ZHX1: variants seen among roughly 807,000 people sequenced by gnomAD.
The protein encoded by ZHX1 is zinc fingers and homeoboxes protein 1.
In ZHX1, 20 loss-of-function variants were observed where a neutral mutation model predicts 61.8. That is an observed-to-expected ratio of 0.32 (90% CI 0.23 to 0.47). ZHX1 has a LOEUF of 0.47. Ranked by LOEUF, ZHX1 falls within the 20% of genes least tolerant of loss-of-function variation. The probability of loss-of-function intolerance (pLI) is 1.00; values close to 1 mark genes in which losing one functional copy is unlikely to be tolerated. For synonymous variants in ZHX1, 318 were observed against 352.6 expected (o/e 0.90, Z 1.10); for missense variants, 800 against 1,034.8 (o/e 0.77, Z 3.11).
intron 1 of ZHX1, among the ~76,000 whole-genome samples, chr8:123,269,141 T>C (rs562056714): frequency 6.6e-6 from 1 of 152,212 alleles, no homozygotes; most frequent in Non-Finnish European, 1.5e-5. Context: ...CTACAGGATG[T>C]GGACTAGAAG....
In ZHX1 at chr8:123,254,111, G is replaced by T; in HGVS notation, c.1836C>A (p.Ile612=). 1 of 1,614,010 alleles carries T rather than the reference G, an allele frequency of 6.2e-7. No individual in the cohort carries two copies. The highest frequency in any genetic ancestry group is 8.5e-7 in the Non-Finnish European group (1 of 1,180,024). The change falls in exon 3 of 4, where the codon ATC becomes ATA. Residue 612 remains isoleucine (I), a synonymous_variant. Coordinates refer to ENST00000395571, the MANE Select transcript of ZHX1 (RefSeq NM_007222.5). The surrounding 1 kb of genome is among the most constrained non-coding windows in gnomAD (Gnocchi z 4.1). ...TCTTCTTCTCTGTAAACCAAGCATC[G>T]ATTTCTCTTCTGGTAAGTTTGGTTT... ...RAQTKLTRRE[I]DAWFTEKKKS... is the part of the protein sequence containing the mutation.
intron 1 of ZHX1, among the ~76,000 whole-genome samples, chr8:123,268,970 G>A: frequency 6.6e-6 from 1 of 152,174 alleles, no homozygotes; most frequent in East Asian, 1.9e-4. Flanking sequence ...ATACCTCTAG[G>A]TTAGGTTAAA....
chr8:123,253,444 T>A lies in ZHX1; in HGVS notation c.2503A>T (p.Asn835Tyr), dbSNP rs372360773. 4.0e-5 allele frequency: 64 copies of A among 1,613,976 alleles called. No individual in the cohort carries two copies. The highest frequency in any genetic ancestry group is 5.4e-5 in the Non-Finnish European group (64 of 1,180,008). ...SELGIELFEE[N>Y]EEEDEVIDDQ... ...TCAATAACTTCATCTTCCTCCTCAT[T>A]TTCCTCAAATAATTCTATACCTAAT... Residue 835 changes from asparagine (N) to tyrosine (Y), a missense_variant, in exon 3 of 4, where the codon AAT becomes TAT. Coordinates refer to ENST00000395571, the MANE Select transcript of ZHX1 (RefSeq NM_007222.5).
intron 1 of ZHX1, among the ~76,000 whole-genome samples, chr8:123,270,750 C>T (rs1021225307): frequency 4.1e-5 from 6 of 147,958 alleles, no homozygotes; most frequent in African/African-American, 1.5e-4. Flanking sequence ...CATGCCACTG[C>T]ACTCCAGCCT....
chr8:123,267,647 A>C (rs1309864251), intron 1 of ZHX1, among the ~76,000 whole-genome samples: 1 of 152,192 alleles, frequency 6.6e-6, no homozygotes, highest in Non-Finnish European at 1.5e-5. Flanking sequence ...AAAATTTCAA[A>C]ACGTGAATAT....
intron 2 of ZHX1, among the ~76,000 whole-genome samples, chr8:123,263,367 T>C (rs1204886278): frequency 6.6e-6 from 1 of 152,198 alleles, no homozygotes; most frequent in Non-Finnish European, 1.5e-5. Context: ...GTAATAGTTC[T>C]CTACAGAAAA....
At chr8:123,257,819 T>C (rs1035990526) in intron 2 of ZHX1, among the ~76,000 whole-genome samples, 1 of 152,184 alleles carries the variant, frequency 6.6e-6, no homozygotes, top group South Asian at 2.1e-4. Context: ...TAACAGGTCA[T>C]GGATTGGTAC....
chr8:123,263,741 G>GGAGAA (rs1826362105), intron 2 of ZHX1, among the ~76,000 whole-genome samples: 1 of 152,102 alleles, frequency 6.6e-6, no homozygotes, highest in Non-Finnish European at 1.5e-5. Context: ...GACTGAGGCA[G>GGAGAA]GAGAATCACT....
Position 123,255,170 on chromosome 8 carries a change from T to C in ZHX1, c.777A>G (p.Gly259=). 6.2e-7 allele frequency: 1 copy of C among 1,614,170 alleles called. No individual in the cohort carries two copies. ...TVVTPAAVLP[G]LAQVITAVSA... ...ATACAGCAGTTATCACCTGTGCCAA[T>C]CCAGGAAGAACTGCTGCTGGTGTCA... Residue 259 remains glycine (G), a synonymous_variant, in exon 3 of 4, where the codon GGA becomes GGG. Coordinates refer to ENST00000395571, the MANE Select transcript of ZHX1 (RefSeq NM_007222.5).
Position 123,254,319 on chromosome 8 carries a change from C to T in ZHX1, c.1628G>A (p.Ser543Asn), listed in dbSNP as rs753021928. The T allele has an allele frequency of 1.2e-6, 2 of 1,614,140 alleles. No homozygotes were observed. The highest frequency in any genetic ancestry group is 1.7e-6 in the Non-Finnish European group (2 of 1,180,006). The change falls in exon 3 of 4, where the codon AGT (serine) becomes AAT (asparagine). Residue 543 changes from serine (S) to asparagine (N), a missense_variant. By Grantham distance (46) the Ser-to-Asn change is conservative. Coordinates refer to ENST00000395571, the MANE Select transcript of ZHX1 (RefSeq NM_007222.5). The surrounding 1 kb of genome is among the most constrained non-coding windows in gnomAD (Gnocchi z 4.1). ...AGTTGGGGATTCCGTGGTTTCATCA[C>T]TGGAGTCTATAATAATGGTGGTAGA... ...DSSTTIIIDSSDETTESPTVG... is the reference protein window; with the variant it reads ...DSSTTIIIDSNDETTESPTVG...
At position 123,254,180 on chromosome 8, in the gene ZHX1, G is replaced by A. The variant is rs745335199; in HGVS notation, c.1767C>T (p.Asn589=). The change falls in exon 3 of 4, where the codon AAC becomes AAT. Residue 589 remains asparagine (N), a synonymous_variant. Transcript: ENST00000395571. This position sits in a 1 kb window ranked among gnomAD's most constrained non-coding sequence, Gnocchi z 4.1. ...QLRVLQASFL[N]SSVLTDEELN... is the part of the protein sequence containing the mutation. ...ATTCTTCATCTGTAAGTACAGAGCTGTTGAGAAAACTTGCCTGAAGGACAC... is the reference window on the plus strand; with the variant it reads ...ATTCTTCATCTGTAAGTACAGAGCTATTGAGAAAACTTGCCTGAAGGACAC... 9 of 1,614,134 alleles carry A rather than the reference G, an allele frequency of 5.6e-6. No homozygotes were observed. The highest frequency in any genetic ancestry group is 7.6e-6 in the Non-Finnish European group (9 of 1,180,012).
intron 3 of ZHX1, among the ~76,000 whole-genome samples, chr8:123,252,217 C>T (rs182942591): frequency 2.4e-4 from 36 of 152,330 alleles, no homozygotes; most frequent in Non-Finnish European, 4.0e-4. Context: ...ACAAACATTT[C>T]ATGACAACTG....
At position 123,255,664 on chromosome 8, in the gene ZHX1, T is replaced by C; in HGVS notation, c.283A>G (p.Asn95Asp). 1 of 1,613,918 alleles carries C rather than the reference T, an allele frequency of 6.2e-7. No individual in the cohort carries two copies. The highest frequency in any genetic ancestry group is 1.7e-5 in the Admixed American group (1 of 60,026). ...ACATAGGATGAATTTAGCACTACAT[T>C]GGGATGTTCCGAATCCACATGAAAA... ...FTFHVDSEHPNVVLNSSYVCV... is the reference protein window; with the variant it reads ...FTFHVDSEHPDVVLNSSYVCV... The change falls in exon 3 of 4, where the codon AAT becomes GAT. Residue 95 changes from asparagine (N) to aspartate (D), a missense_variant. By Grantham distance (23) the Asn-to-Asp change is conservative. Coordinates refer to ENST00000395571, the MANE Select transcript of ZHX1 (RefSeq NM_007222.5).
At position 123,255,763 on chromosome 8, in the gene ZHX1, G is replaced by C; in HGVS notation, c.184C>G (p.Gln62Glu). Residue 62 changes from glutamine to glutamate, a missense_variant, in exon 3 of 4, where the codon CAA becomes GAA. Transcript: ENST00000395571. The stretch of plus-strand genomic sequence containing the variant: ...TATCCACCTTCAACTTTTTTATTTT[G>C]CTGATTGTCTGAATCCACAGATTCA... ...VHESVDSDNQQNKKVEGGYEC... is the reference protein window; with the variant it reads ...VHESVDSDNQENKKVEGGYEC... 1 of 1,613,650 alleles carries C rather than the reference G, an allele frequency of 6.2e-7. No homozygotes were observed. The highest frequency in any genetic ancestry group is 8.5e-7 in the Non-Finnish European group (1 of 1,179,926).
rs1468568864 is a variant in ZHX1, at chr8:123,250,252, T to C, written c.*72A>G. 2 of 453,746 alleles carry C rather than the reference T, an allele frequency of 4.4e-6. No homozygotes were observed. The highest frequency in any genetic ancestry group is 2.0e-5 in the African/African-American group (1 of 49,930). The allele number at this position is 453,746 out of a possible 1,614,324, so 28.1% of individuals were successfully genotyped here. A position where few individuals can be genotyped will look rare whatever the true frequency, so the allele number is the denominator to read the frequency against. ...AAAACGTTTTCAATGTCATCAAAGA[T>C]TGGGCAAATTCACAGTAAATCAGAC... On this transcript the variant is annotated 3_prime_UTR_variant, in exon 4 of 4. Coordinates refer to ENST00000395571, the MANE Select transcript of ZHX1 (RefSeq NM_007222.5).
chr8:123,271,878 C>T (rs1424331875), intron 1 of ZHX1, among the ~76,000 whole-genome samples: 2 of 152,140 alleles, frequency 1.3e-5, no homozygotes, highest in Non-Finnish European at 2.9e-5. Flanking sequence ...ATAAGCTTAG[C>T]TATAAAGGAA....
chr8:123,265,850 T>C (rs957315710), intron 2 of ZHX1, among the ~76,000 whole-genome samples: 3 of 152,212 alleles, frequency 2.0e-5, no homozygotes, highest in Non-Finnish European at 4.4e-5. Context: ...GATAATCAAA[T>C]GTCAGAGGAT....
rs1434148274 is a variant in ZHX1, at chr8:123,255,057, G to A, written c.890C>T (p.Pro297Leu). ...CTTGTTGTAGGTGTTAAGTAAAAGG[G>A]GATTGTTATCCAATGCAGCATTGTA... ...PTYNAALDNN[P>L]LLLNTYNKFP... The change falls in exon 3 of 4, where the codon CCC becomes CTC. Residue 297 changes from proline to leucine, a missense_variant. Coordinates refer to ENST00000395571, the MANE Select transcript of ZHX1 (RefSeq NM_007222.5). 1 of 1,613,946 alleles carries A rather than the reference G, an allele frequency of 6.2e-7. No individual in the cohort carries two copies. The highest frequency in any genetic ancestry group is 1.3e-5 in the African/African-American group (1 of 74,886).
chr8:123,266,652 G>C (rs1826469811), intron 2 of ZHX1, among the ~76,000 whole-genome samples: 2 of 151,872 alleles, frequency 1.3e-5, no homozygotes, highest in Non-Finnish European at 2.9e-5. Flanking sequence ...CGTCACACAG[G>C]TAATGTGCCA....
Sources: allele counts gnomAD v4.1 joint callset (sites outside exome capture counted in the v4.1 genomes callset), GRCh38; gene constraint gnomAD v4.1.1; non-coding constraint Gnocchi (gnomAD v3.1); transcripts MANE v1.5; gene names NCBI Gene and HGNC (gene_info 2026-07-23, HGNC 2026-07-21).